The following SLX9 variants were observed in gnomAD, a reference collection of about 807,000 sequenced individuals.
SLX9 encodes the protein ribosome biogenesis protein SLX9 homolog.
In SLX9, 19 loss-of-function variants were observed where a neutral mutation model predicts 20.8. The ratio of observed to expected loss-of-function variants is 0.91; its 90% confidence interval spans 0.64 to 1.34. The LOEUF (loss-of-function observed/expected upper bound fraction) is 1.34. SLX9 is among the 40% of genes most tolerant of loss of function. SLX9 has a pLI of 0.00. For synonymous variants in SLX9, 113 were observed against 137.1 expected (o/e 0.82, Z 1.23); for missense variants, 299 against 322.2 (o/e 0.93, Z 0.55).
chr21:44,940,061 G>C lies in SLX9; in HGVS notation c.4G>C (p.Gly2Arg). The change falls in exon 1 of 6, where the codon GGG becomes CGG. Residue 2 changes from glycine (G) to arginine (R), a missense_variant. Physicochemically the swap from Gly to Arg is moderately radical, Grantham distance 125. Coordinates refer to ENST00000291634, the MANE Select transcript of SLX9 (RefSeq NM_058190.4). Reference protein sequence around the residue: MGKVRGLRARVH... With the variant: MRKVRGLRARVH... ...TTTGCCGTGCTCCGCCGGGAAGATG[G>C]GGAAAGTGAGGGGGTTGCGCGCCCG... The C allele has an allele frequency of 6.8e-7, 1 of 1,461,306 alleles. No homozygotes were observed. The highest frequency in any genetic ancestry group is 2.3e-4 in the Middle Eastern group (1 of 4,264). 90.5% of individuals were successfully genotyped at this position (1,461,306 alleles called of 1,614,324 possible). A position where few individuals can be genotyped will look rare whatever the true frequency, so the allele number is the denominator to read the frequency against.
At position 44,968,565 on chromosome 21, in the gene SLX9, G is replaced by A. The variant is rs186286508; in HGVS notation, c.500+1384G>A. The stretch of plus-strand genomic sequence containing the variant: ...CTCTTTGTGCCTGGGTCACATGCAC[G>A]TGAAAGGAGAGCAGCCTCTGCCCTT... On this transcript the variant is annotated intron_variant, in intron 4 of 5. Coordinates refer to ENST00000291634, the MANE Select transcript of SLX9 (RefSeq NM_058190.4). 1.2e-4 allele frequency among the ~76,000 whole-genome samples: 19 copies of A among 152,282 alleles called. No individual in the cohort carries two copies. In the East Asian group the frequency reaches 3.3e-3, roughly 26 times the overall value.
chr21:44,966,445 C>T (rs1765335876), intron 3 of SLX9, among the ~76,000 whole-genome samples: 1 of 152,216 alleles, frequency 6.6e-6, no homozygotes, highest in African/African-American at 2.4e-5. Flanking sequence ...GTTCTCTTAG[C>T]AGTTTTGAGA....
Position 44,967,175 on chromosome 21 carries a change from C to A in SLX9, c.494C>A (p.Ala165Asp). ...LGLEAGSRRQ[A>D]RSRESNKPRP... ...CTCGAGGCTGGCAGCCGGCGCCAAG[C>A]CCGCAGGTGAGTGTCCGGGAGGGGT... Residue 165 changes from alanine (A) to aspartate (D), a missense_variant, in exon 4 of 6, where the codon GCC becomes GAC. Coordinates refer to ENST00000291634, the MANE Select transcript of SLX9 (RefSeq NM_058190.4). The A allele has an allele frequency of 2.5e-6, 4 of 1,582,062 alleles. No homozygotes were observed. The highest frequency in any genetic ancestry group is 2.2e-5 in the East Asian group (1 of 44,560).
intron 2 of SLX9, among the ~76,000 whole-genome samples, chr21:44,949,475 A>G (rs916645755): frequency 3.3e-5 from 5 of 152,042 alleles, no homozygotes; most frequent in African/African-American, 7.2e-5. Flanking sequence ...CGGGTCCCCA[A>G]AGCGCGGCCC....
At chr21:44,948,388 T>C (rs2084689576) in intron 2 of SLX9, among the ~76,000 whole-genome samples, 1 of 149,000 alleles carries the variant, frequency 6.7e-6, no homozygotes, top group South Asian at 2.1e-4. Flanking sequence ...TCATGCAGCA[T>C]CGGGCGGTCC....
At position 44,940,124 on chromosome 21, in the gene SLX9, GC is replaced by G. The variant is rs2084510935; in HGVS notation, c.72del (p.Gly25AlafsTer34). The G allele has an allele frequency of 2.3e-5, 31 of 1,363,472 alleles. No homozygotes were observed. The highest frequency in any genetic ancestry group is 1.3e-4 in the South Asian group (7 of 54,668). The allele number at this position is 1,363,472 out of a possible 1,614,324, so 84.5% of individuals were successfully genotyped here. A position where few individuals can be genotyped will look rare whatever the true frequency, so the allele number is the denominator to read the frequency against. ...QAAVRPKGEA[A>X]PGPAPPAPEA... ...TGCCGTGAGGCCGAAAGGGGAGGCC[GC>G]CCCCGGCCCCGCGCCCCCTGCCCCG... On this transcript the variant is annotated frameshift_variant, in exon 1 of 6. Coordinates refer to ENST00000291634, the MANE Select transcript of SLX9 (RefSeq NM_058190.4). LOFTEE classifies it high-confidence loss of function.
chr21:44,957,878 G>A (rs1601399300), intron 2 of SLX9, among the ~76,000 whole-genome samples: 2 of 152,384 alleles, frequency 1.3e-5, no homozygotes, highest in African/African-American at 2.4e-5. Context: ...CGGGCCAGAA[G>A]GAGTGGCAGT....
intron 2 of SLX9, among the ~76,000 whole-genome samples, chr21:44,959,440 G>A (rs2084914909): frequency 6.6e-6 from 1 of 152,170 alleles, no homozygotes. Flanking sequence ...CACCTGCACG[G>A]CCCTGCAGGC....
At chr21:44,954,080 A>G (rs767334773) in intron 2 of SLX9, among the ~76,000 whole-genome samples, 1 of 151,920 alleles carries the variant, frequency 6.6e-6, no homozygotes, top group Non-Finnish European at 1.5e-5. Flanking sequence ...TACATCCACC[A>G]TTGGCTGCAC....
At chr21:44,975,440 C>T (rs566393562) in intron 5 of SLX9, among the ~76,000 whole-genome samples, 3 of 152,338 alleles carry the variant, frequency 2.0e-5, no homozygotes, top group African/African-American at 7.2e-5. Flanking sequence ...GGCACCGAAC[C>T]CGTGTCCCAT....
chr21:44,965,772 C>T (rs753194327), intron 3 of SLX9, among the ~76,000 whole-genome samples: 22 of 152,134 alleles, frequency 1.4e-4, no homozygotes, highest in Non-Finnish European at 2.5e-4. Flanking sequence ...TCTGTCCTCA[C>T]GGGAACCACA....
In SLX9 at chr21:44,976,860, G is replaced by A. The variant is rs903221257; in HGVS notation, c.*57G>A. 260 of 1,533,378 alleles carry A rather than the reference G, an allele frequency of 1.7e-4. No individual in the cohort carries two copies. Among genetic ancestry groups the A allele is most frequent in the Non-Finnish European group, 2.1e-4 (246 of 1,145,932 alleles). The allele number at this position is 1,533,378 out of a possible 1,614,324, so 95.0% of individuals were successfully genotyped here. Reference sequence around the variant, plus strand: ...GACACATGTGGGCCAAGTAGAGAGCGCCGGCCCCTCAAGGACCATGGCCTG... The same window carrying A: ...GACACATGTGGGCCAAGTAGAGAGCACCGGCCCCTCAAGGACCATGGCCTG... On this transcript the variant is annotated 3_prime_UTR_variant, in exon 6 of 6. Coordinates refer to ENST00000291634, the MANE Select transcript of SLX9 (RefSeq NM_058190.4).
chr21:44,976,934 G>T lies in SLX9; in HGVS notation c.*131G>T. 1.5e-6 allele frequency: 2 copies of T among 1,307,614 alleles called. No individual in the cohort carries two copies. Among genetic ancestry groups the T allele is most frequent in the South Asian group, 2.7e-5 (2 of 75,310 alleles). 81.0% of individuals were successfully genotyped at this position (1,307,614 alleles called of 1,614,324 possible). A position where few individuals can be genotyped will look rare whatever the true frequency, so the allele number is the denominator to read the frequency against. On this transcript the variant is annotated 3_prime_UTR_variant, in exon 6 of 6. Transcript: ENST00000291634. ...TGGTCGGTTGTGGGGCTCAATAAATGGCTCTGTGAACTTCCCCTGCACTGC... is the reference window on the plus strand; with the variant it reads ...TGGTCGGTTGTGGGGCTCAATAAATTGCTCTGTGAACTTCCCCTGCACTGC...
intron 5 of SLX9, among the ~76,000 whole-genome samples, chr21:44,974,779 C>G (rs919141775): frequency 7.2e-5 from 11 of 152,188 alleles, no homozygotes; most frequent in African/African-American, 2.7e-4. Flanking sequence ...CCAGGCCAGT[C>G]TTGTCTGGAG....
intron 3 of SLX9, among the ~76,000 whole-genome samples, chr21:44,962,856 G>T (rs2084968748): frequency 1.3e-5 from 2 of 152,184 alleles, no homozygotes; most frequent in South Asian, 4.2e-4. Flanking sequence ...TCGGCCGTCT[G>T]GTAATCATGA....
intron 4 of SLX9, among the ~76,000 whole-genome samples, chr21:44,968,312 G>A (rs569743924): frequency 2.0e-5 from 3 of 151,582 alleles, no homozygotes; most frequent in Non-Finnish European, 4.4e-5. Context: ...ACCACCACCC[G>A]GTGACGCAAC....
intron 4 of SLX9, among the ~76,000 whole-genome samples, chr21:44,972,116 C>A (rs2838749): frequency 6.6e-6 from 1 of 151,892 alleles, no homozygotes; most frequent in South Asian, 2.1e-4. Context: ...TCTCCTGGCC[C>A]GAGGCTAAGT....
At chr21:44,947,338 A>G (rs2084662008) in intron 2 of SLX9, among the ~76,000 whole-genome samples, 1 of 152,174 alleles carries the variant, frequency 6.6e-6, no homozygotes, top group Admixed American at 6.5e-5. Flanking sequence ...GATGTGTCTC[A>G]TCGTCCGTGC....
In SLX9 at chr21:44,976,832, C is replaced by T; in HGVS notation, c.*29C>T. ...GGGCAGCGGGCATGCCACAACTCCT[C>T]AGGACACATGTGGGCCAAGTAGAGA... On this transcript the variant is annotated 3_prime_UTR_variant, in exon 6 of 6. Transcript: ENST00000291634. The T allele has an allele frequency of 6.5e-7, 1 of 1,540,384 alleles. No homozygotes were observed. The highest frequency in any genetic ancestry group is 1.2e-5 in the South Asian group (1 of 84,034).
Sources: gnomAD v4.1 joint callset for allele counts (sites outside exome capture counted in the v4.1 genomes callset) on GRCh38, gnomAD v4.1.1 for gene constraint, MANE v1.5 for transcripts, NCBI Gene and HGNC (gene_info 2026-07-23, HGNC 2026-07-21) for gene names.